LYST: variants seen among roughly 807,000 people sequenced by gnomAD.
The protein encoded by LYST is lysosomal trafficking regulator.
Under a neutral mutation model 413.6 loss-of-function variants are expected in LYST, and 192 were observed. The observed-to-expected ratio is 0.46, with a 90% CI of 0.41 to 0.52. The LOEUF (loss-of-function observed/expected upper bound fraction) is 0.52, where lower values mean the gene tolerates loss of function less well. Among genes scored for constraint, LYST ranks in the 20% least tolerant of loss-of-function variants. The pLI, the probability that LYST is intolerant of heterozygous loss-of-function variation, is 0.00. For synonymous variants in LYST, 1,525 were observed against 1,567.3 expected (o/e 0.97, Z 0.64); for missense variants, 3,815 against 4,499.9 (o/e 0.85, Z 4.35).
At chr1:235,754,216 TTTC>T (rs1259734985) in intron 25 of LYST, among the ~76,000 whole-genome samples, 6 of 137,208 alleles carry the variant, frequency 4.4e-5, no homozygotes, top group Non-Finnish European at 9.5e-5. Flanking sequence ...GCTATCTTTT[TTTC>T]TTTTCTTTTC....
intron 42 of LYST, among the ~76,000 whole-genome samples, chr1:235,714,934 G>GAA (rs1558144180): frequency 4.6e-5 from 7 of 152,132 alleles, no homozygotes; most frequent in Admixed American, 3.3e-4. Flanking sequence ...TATGGTTTGT[G>GAA]AATTATATCT....
At chr1:235,876,682 T>A (rs1681155246) in intron 1 of LYST, among the ~76,000 whole-genome samples, 1 of 152,306 alleles carries the variant, frequency 6.6e-6, no homozygotes, top group African/African-American at 2.4e-5. Flanking sequence ...GTTAGTAAAG[T>A]TCTGTTTTCT....
intron 29 of LYST, 74 bp downstream of exon 29, chr1:235,746,262 A>T: frequency 7.4e-7 from 1 of 1,360,522 alleles, no homozygotes; most frequent in South Asian, 1.2e-5. Context: ...TCTGAAAACC[A>T]ACCAGTTTCC....
At chr1:235,715,427 G>GTT in intron 41 of LYST, 70 bp from the exon 42 acceptor site, 5 of 1,452,394 alleles carry the variant, frequency 3.4e-6, no homozygotes, top group Non-Finnish European at 3.8e-6. Context: ...AGTGCTGGAT[G>GTT]TTTTTTTTTC....
intron 1 of LYST, among the ~76,000 whole-genome samples, chr1:235,849,775 CAA>C (rs57262471): frequency 0.4 from 24,181 of 61,216 alleles, 2,973 homozygotes; most frequent in Non-Finnish European, 0.43. Context: ...ACAATAGCTC[CAA>C]AAAAAAAAAA....
At chr1:235,853,423 A>AGCTAAG in intron 1 of LYST, among the ~76,000 whole-genome samples, 1 of 152,278 alleles carries the variant, frequency 6.6e-6, no homozygotes, top group South Asian at 2.1e-4. Flanking sequence ...TATGCATTTA[A>AGCTAAG]GCTAAGTTAA....
In LYST at chr1:235,696,931, A is replaced by G. The variant is rs1661154112; in HGVS notation, c.10564+152T>C. 4.2e-6 allele frequency: 3 copies of G among 708,614 alleles called. No individual in the cohort carries two copies. The South Asian group carries it at 4.9e-5, about 12-fold the overall frequency. The allele number at this position is 708,614 out of a possible 1,614,324, so 43.9% of individuals were successfully genotyped here. A position where few individuals can be genotyped will look rare whatever the true frequency, so the allele number is the denominator to read the frequency against. ...CATTTAACTCTCTGTTTTTTCATGT[A>G]GCATGTTTTCATTCCTACTTTGCAC... On this transcript the variant is annotated intron_variant, in intron 46 of 52. Transcript: ENST00000389793.
chr1:235,728,211 G>A (rs1664066217), intron 37 of LYST, 80 bp from the exon 38 acceptor site: 1 of 996,368 alleles, frequency 1.0e-6, no homozygotes, highest in African/African-American at 1.6e-5. Context: ...GGTCTCTGGA[G>A]TCCTTTGGTC....
chr1:235,693,041 T>C (rs903952031), intron 47 of LYST, among the ~76,000 whole-genome samples: 11 of 143,870 alleles, frequency 7.6e-5, no homozygotes, highest in South Asian at 4.5e-4. Context: ...GTTGGCCAGG[T>C]GTGGTGGCTC....
chr1:235,693,642 G>A (rs1350333800), intron 46 of LYST, among the ~76,000 whole-genome samples, 156 bp from the exon 47 acceptor site: 2 of 152,090 alleles, frequency 1.3e-5, no homozygotes, highest in African/African-American at 4.8e-5. Context: ...CAATTTTTTA[G>A]TTTTATTCCT....
chr1:235,843,096 T>G lies in LYST; in HGVS notation c.-97-9429A>C, dbSNP rs77174949. Among the ~76,000 whole-genome samples the G allele has an allele frequency of 8.4e-3, 1,276 of 152,156 alleles. 20 individuals carry two copies. Among genetic ancestry groups the G allele is most frequent in the African/African-American group, 0.029 (1,215 of 41,518 alleles). On this transcript the variant is annotated intron_variant, in intron 1 of 52. Transcript: ENST00000389793. ...ATTACATGTACCACTGAAAATAAAA[T>G]CTCAAGCTCAACAACAGGGCAAGAA...
chr1:235,736,117 T>C (rs186385731), intron 31 of LYST: 2 of 152,262 alleles, frequency 1.3e-5, no homozygotes, highest in African/African-American at 4.8e-5. Flanking sequence ...TTGTTTCTAA[T>C]ATCTCATTTT....
At chr1:235,870,535 A>T (rs1680881516), upstream of LYST, among the ~76,000 whole-genome samples, 1 of 152,196 alleles carries the variant, frequency 6.6e-6, no homozygotes, top group African/African-American at 2.4e-5. Context: ...TGATTCACGA[A>T]TTGTTTTGTG....
Position 235,773,985 on chromosome 1 carries a change from G to C in LYST, c.5641C>G (p.Leu1881Val). Residue 1881 changes from leucine to valine, a missense_variant, in exon 19 of 53, where the codon CTT (leucine) becomes GTT (valine). By Grantham distance (32) the Leu-to-Val change is conservative. Transcript: ENST00000389793. ...IVGFYILKTL[L>V]EGCCGEDIIY... ...ATATCTTCACCACAGCATCCTTCAA[G>C]AAGGGTCTATAGAAAATTAGCATTA... is the stretch of plus-strand genomic sequence containing the variant. 1 of 1,603,046 alleles carries C rather than the reference G, an allele frequency of 6.2e-7. No individual in the cohort carries two copies.
chr1:235,754,640 T>C (rs1572156304), intron 25 of LYST, among the ~76,000 whole-genome samples: 1 of 152,314 alleles, frequency 6.6e-6, no homozygotes, highest in Non-Finnish European at 1.5e-5. Flanking sequence ...GAATGAACTA[T>C]AAAGGATGAA....
At chr1:235,877,454 C>T (rs1681187499) in intron 1 of LYST, among the ~76,000 whole-genome samples, 1 of 152,182 alleles carries the variant, frequency 6.6e-6, no homozygotes, top group Admixed American at 6.5e-5. Context: ...GTCGCCCAGG[C>T]TGGAGTGCAA....
Position 235,746,479 on chromosome 1 carries a change from A to G in LYST, c.7829T>C (p.Met2610Thr), listed in dbSNP as rs780650325. 1 of 1,613,838 alleles carries G rather than the reference A, an allele frequency of 6.2e-7. No individual in the cohort carries two copies. The highest frequency in any genetic ancestry group is 8.5e-7 in the Non-Finnish European group (1 of 1,179,890). ...LAQTESLLMK[M>T]RSVANDELHV... ...AAGCTCATCATTTGCCACTGAACGC[A>G]TTTTCATCAGAAGCGATTCAGTTTG... The change falls in exon 29 of 53, where the codon ATG becomes ACG. Residue 2610 changes from methionine (M) to threonine (T), a missense_variant. Met to Thr is a moderately conservative substitution (Grantham distance 81). Around this residue, in one of 4 missense-constraint regions of LYST, gnomAD observed 771 missense variants for 837.1 expected, o/e 0.92. Transcript: ENST00000389793.
chr1:235,871,189 T>C (rs912169324), upstream of LYST, among the ~76,000 whole-genome samples: 1 of 152,248 alleles, frequency 6.6e-6, no homozygotes, highest in Non-Finnish European at 1.5e-5. Context: ...CCAACATCCA[T>C]TTCATTTTGC....
chr1:235,846,284 A>G (rs1047414248), intron 1 of LYST, among the ~76,000 whole-genome samples: 2 of 152,180 alleles, frequency 1.3e-5, no homozygotes, highest in African/African-American at 4.8e-5. Context: ...CAATCACTGC[A>G]GTTCGGCTCA....
Sources: allele counts gnomAD v4.1 joint callset (sites outside exome capture counted in the v4.1 genomes callset), GRCh38; gene constraint gnomAD v4.1.1; regional missense constraint gnomAD v4.1.1; transcripts MANE v1.5; gene names NCBI Gene and HGNC (gene_info 2026-07-23, HGNC 2026-07-21).